DAB2IP: variants seen among roughly 807,000 people sequenced by gnomAD.
The protein encoded by DAB2IP is DAB2 interacting protein.
A neutral mutation model predicts 107.2 loss-of-function variants in DAB2IP; 28 were observed. The ratio of observed to expected loss-of-function variants is 0.26; its 90% CI spans 0.19 to 0.36. DAB2IP has a LOEUF of 0.36. DAB2IP is among the 10% of genes least tolerant of loss of function. The pLI is 1.00. For missense variants in DAB2IP, 1,400 were observed against 1,644.7 expected, an observed-to-expected ratio of 0.85 and a Z score of 2.57; for synonymous variants, 755 against 706.4, an observed-to-expected ratio of 1.07 and a Z score of -1.09.
intron 8 of DAB2IP, among the ~76,000 whole-genome samples, chr9:121,765,176 C>G (rs1188792075): frequency 1.3e-5 from 2 of 152,204 alleles, no homozygotes; most frequent in East Asian, 3.8e-4. Flanking sequence ...AACACACTTC[C>G]CATTCCCAGC....
At chr9:121,744,881 G>A (rs531033349) in intron 3 of DAB2IP, among the ~76,000 whole-genome samples, 1 of 152,318 alleles carries the variant, frequency 6.6e-6, no homozygotes, top group South Asian at 2.1e-4. Flanking sequence ...AGGCGTAGAC[G>A]GATAGGCTGC....
At chr9:121,596,531 A>G (rs1830534711) in intron 1 of DAB2IP, among the ~76,000 whole-genome samples, 1 of 152,104 alleles carries the variant, frequency 6.6e-6, no homozygotes, top group African/African-American at 2.4e-5. Context: ...AAACAAAACT[A>G]TATGAATGAT....
At chr9:121,737,638 A>G in intron 3 of DAB2IP, 5 of 985,420 alleles carry the variant, frequency 5.1e-6, no homozygotes, top group Non-Finnish European at 6.0e-6. Context: ...TTCGGAAGCC[A>G]GATCTGGCTC....
intron 3 of DAB2IP, among the ~76,000 whole-genome samples, chr9:121,734,473 G>A (rs1831754238): frequency 2.0e-5 from 3 of 152,220 alleles, no homozygotes; most frequent in South Asian, 2.1e-4. Flanking sequence ...GGGCACAGAG[G>A]AAGCAACAGC....
At chr9:121,727,259 G>T (rs868282354) in intron 3 of DAB2IP, among the ~76,000 whole-genome samples, 24 of 152,236 alleles carry the variant, frequency 1.6e-4, no homozygotes, top group African/African-American at 5.3e-4. Context: ...TGCACTGCCC[G>T]CGGTGAAGCT....
chr9:121,577,453 G>A (rs935327858), intron 1 of DAB2IP, among the ~76,000 whole-genome samples: 6 of 152,354 alleles, frequency 3.9e-5, no homozygotes, highest in South Asian at 4.1e-4. Flanking sequence ...GGAGCTCCAC[G>A]GTGTGTCTGC....
At chr9:121,578,623 C>G (rs1026311579) in intron 1 of DAB2IP, among the ~76,000 whole-genome samples, 2 of 147,822 alleles carry the variant, frequency 1.4e-5, no homozygotes, top group Non-Finnish European at 3.0e-5. Flanking sequence ...GTATGAGGAC[C>G]CCCCCATCGA....
At chr9:121,770,247 C>T (rs780074482) in intron 10 of DAB2IP, among the ~76,000 whole-genome samples, 1 of 152,350 alleles carries the variant, frequency 6.6e-6, no homozygotes, top group South Asian at 2.1e-4. Flanking sequence ...TGTGTGCTTT[C>T]CTCTCTGCGG....
chr9:121,574,008 C>T (rs1008993109), intron 1 of DAB2IP, among the ~76,000 whole-genome samples: 1 of 152,148 alleles, frequency 6.6e-6, no homozygotes, highest in African/African-American at 2.4e-5. Flanking sequence ...GAGAGGCAGA[C>T]TCAGCTGTGG....
rs1830620490 is a variant in DAB2IP at position 121,599,554 on chromosome 9, G to C, written c.40+32326G>C. On this transcript the variant is annotated intron_variant, in intron 1 of 16. Coordinates refer to the DAB2IP transcript ENST00000259371. This position sits in a 1 kb window ranked among gnomAD's most constrained non-coding sequence, Gnocchi z 6.9. ...CGGGAGCCGTAGAGCGGCGGCGCCGGGGGAGGCGCGGAGCCGGCCGTAGCG... is the reference window on the plus strand; with the variant it reads ...CGGGAGCCGTAGAGCGGCGGCGCCGCGGGAGGCGCGGAGCCGGCCGTAGCG... Among the ~76,000 whole-genome samples, 1 of 151,912 alleles carries C rather than the reference G, an allele frequency of 6.6e-6. No homozygotes were observed. Among genetic ancestry groups the C allele is most frequent in the Non-Finnish European group, 1.5e-5 (1 of 67,916 alleles).
chr9:121,583,955 G>A (rs1830260704), intron 1 of DAB2IP, among the ~76,000 whole-genome samples: 2 of 152,000 alleles, frequency 1.3e-5, no homozygotes, highest in African/African-American at 4.8e-5. Flanking sequence ...GAGGTGGGAG[G>A]ATCACAAGGT....
Position 121,686,669 on chromosome 9 carries a change from T to C in DAB2IP, c.228+7888T>C, listed in dbSNP as rs1828895267. On this transcript the variant is annotated intron_variant, in intron 2 of 15. Transcript: ENST00000408936. ...TTGGCCACTGCTCCCTTCTGTAGGA[T>C]GGCTCAGGCAAGTTGCCCCACTCTC... is the stretch of plus-strand genomic sequence containing the variant. 2.6e-5 allele frequency among the ~76,000 whole-genome samples: 4 copies of C among 152,182 alleles called. No homozygotes were observed. In the South Asian group the frequency reaches 8.3e-4, roughly 31 times the overall value.
chr9:121,582,477 G>C (rs867837176), intron 1 of DAB2IP, among the ~76,000 whole-genome samples: 12 of 152,172 alleles, frequency 7.9e-5, no homozygotes, highest in Middle Eastern at 3.4e-3. Context: ...CCAACTGTGG[G>C]CAGCCAGGTG....
At chr9:121,757,307 G>C in intron 4 of DAB2IP, 141 bp downstream of exon 4, 2 of 1,137,824 alleles carry the variant, frequency 1.8e-6, no homozygotes, top group Admixed American at 3.0e-5. Context: ...AGTAGTTACC[G>C]ATAGCTTTCA....
chr9:121,590,883 C>T (rs1830411503), intron 1 of DAB2IP, among the ~76,000 whole-genome samples: 1 of 152,140 alleles, frequency 6.6e-6, no homozygotes, highest in African/African-American at 2.4e-5. Context: ...CATGACACAT[C>T]CATCCAGTGA....
chr9:121,728,438 C>T (rs998540430), intron 3 of DAB2IP, among the ~76,000 whole-genome samples: 1 of 152,122 alleles, frequency 6.6e-6, no homozygotes, highest in African/African-American at 2.4e-5. Context: ...TTGCTAGTTG[C>T]GTGAATTTGG....
rs1268211582 is a variant in DAB2IP at position 121,628,290 on chromosome 9, T to G, written c.41-50388T>G. On this transcript the variant is annotated intron_variant, in intron 1 of 16. Coordinates refer to the DAB2IP transcript ENST00000259371. Reference sequence around the variant, plus strand: ...CCTTAGTCATCCTAGCAGACTGGATTAGGTGGGCCCCCCCCATCCTAGTGA... The same window carrying G: ...CCTTAGTCATCCTAGCAGACTGGATGAGGTGGGCCCCCCCCATCCTAGTGA... 2.6e-5 allele frequency among the ~76,000 whole-genome samples: 4 copies of G among 152,156 alleles called. No homozygotes were observed. The East Asian group carries it at 7.7e-4, about 29-fold the overall frequency.
intron 1 of DAB2IP, among the ~76,000 whole-genome samples, chr9:121,611,524 T>C (rs1326318612): frequency 6.6e-6 from 1 of 152,196 alleles, no homozygotes. Flanking sequence ...TGATCCTCAG[T>C]ATTCTTAACT....
At chr9:121,593,390 C>T (rs962797176) in intron 1 of DAB2IP, among the ~76,000 whole-genome samples, 1 of 152,108 alleles carries the variant, frequency 6.6e-6, no homozygotes, top group Admixed American at 6.6e-5. Context: ...AACTCAGCCT[C>T]CCTAGAAGCT....
Sources: gnomAD v4.1 joint callset for allele counts (sites outside exome capture counted in the v4.1 genomes callset) on GRCh38, gnomAD v4.1.1 for gene constraint, Gnocchi (gnomAD v3.1) non-coding constraint, MANE v1.5 for transcripts, NCBI Gene and HGNC (gene_info 2026-07-23, HGNC 2026-07-21) for gene names.